The following IL20 variants were observed in gnomAD, a reference collection of about 807,000 sequenced individuals.
The protein encoded by IL20 is interleukin-20.
In IL20, 22 loss-of-function variants were observed where a neutral mutation model predicts 19.2. That is an observed-to-expected ratio of 1.15 (90% CI 0.82 to 1.64). The LOEUF is 1.64. Among genes scored for constraint, IL20 ranks in the 40% most tolerant of loss-of-function variants. The pLI is 0.00. For missense variants in IL20, 215 were observed against 212.8 expected, an observed-to-expected ratio of 1.01 and a Z score of -0.06; for synonymous variants, 70 against 76.2, an observed-to-expected ratio of 0.92 and a Z score of 0.43.
chr1:206,866,142 A>G, intron 2 of IL20, 131 bp downstream of exon 2: 1 of 1,145,264 alleles, frequency 8.7e-7, no homozygotes, highest in Non-Finnish European at 1.3e-6. Context: ...CGGGGGATGT[A>G]TTCCAAAGAA....
At chr1:206,864,908 T>C (rs960050778), upstream of IL20, among the ~76,000 whole-genome samples, 4 of 152,172 alleles carry the variant, frequency 2.6e-5, no homozygotes, top group African/African-American at 9.7e-5. Context: ...CCTCAGCCCA[T>C]TATTATTTTA....
intron 4 of IL20, among the ~76,000 whole-genome samples, chr1:206,867,077 G>C (rs1158610748): frequency 6.8e-6 from 1 of 146,680 alleles, no homozygotes; most frequent in African/African-American, 2.6e-5. Flanking sequence ...CTGGGATAGA[G>C]CTCCTAGACT....
At position 206,865,982 on chromosome 1, in the gene IL20, A is replaced by G. The variant is rs756400807; in HGVS notation, c.130A>G (p.Asn44Asp). 1 of 1,614,040 alleles carries G rather than the reference A, an allele frequency of 6.2e-7. No individual in the cohort carries two copies. Residue 44 changes from asparagine to aspartate, a missense_variant, in exon 2 of 6, where the codon AAT becomes GAT. Asn to Asp is a conservative substitution (Grantham distance 23). Transcript: ENST00000367098. This position sits in a 1 kb window ranked among gnomAD's most constrained non-coding sequence, Gnocchi z 4.1. ...VIATNLQEIRNGFSEIRGSVQ... is the reference protein window; with the variant it reads ...VIATNLQEIRDGFSEIRGSVQ... ...CGCCACAAACCTTCAGGAAATACGA[A>G]ATGGATTTTCTGAGATACGGGGCAG...
intron 4 of IL20, 33 bp from the exon 5 acceptor site, chr1:206,867,351 A>G (rs747795981): frequency 1.3e-6 from 2 of 1,589,916 alleles, no homozygotes; most frequent in African/African-American, 1.4e-5. Flanking sequence ...CAGAATCTGT[A>G]ATATAATCTA....
chr1:206,864,966 T>G (rs1677503621), upstream of IL20, among the ~76,000 whole-genome samples: 1 of 152,232 alleles, frequency 6.6e-6, no homozygotes, highest in African/African-American at 2.4e-5. Flanking sequence ...CTGAGGAGGC[T>G]CGCCCAAGAA....
Position 206,868,946 on chromosome 1 carries a change from A to C in IL20, c.*382A>C, listed in dbSNP as rs570835371. ...GTATTTTTATACAGTAAAAAAAAAA[A>C]ACCTTGTAAATTCTAGAAGAGTGGC... On this transcript the variant is annotated 3_prime_UTR_variant, in exon 6 of 6. Coordinates refer to ENST00000367098, the MANE Select transcript of IL20 (RefSeq NM_018724.4). 1 of 152,390 alleles carries C rather than the reference A, an allele frequency of 6.6e-6. No homozygotes were observed. Among genetic ancestry groups the C allele is most frequent in the African/African-American group, 2.4e-5 (1 of 41,376 alleles). The allele number at this position is 152,390 out of a possible 1,614,324, so 9.4% of individuals were successfully genotyped here.
Position 206,865,795 on chromosome 1 carries a change from A to G in IL20, c.-30-28A>G, listed in dbSNP as rs1261192493. The G allele has an allele frequency of 6.3e-7, 1 of 1,594,226 alleles. No homozygotes were observed. The highest frequency in any genetic ancestry group is 1.3e-5 in the African/African-American group (1 of 74,206). ...CACTTGGAGGAGGGGAAACTCAGTA[A>G]GTCATGCTCTCTTCTTTGAATTCCT... On this transcript the variant is annotated intron_variant, in intron 1 of 5. Coordinates refer to ENST00000367098, the MANE Select transcript of IL20 (RefSeq NM_018724.4). The surrounding 1 kb of genome is among the most constrained non-coding windows in gnomAD (Gnocchi z 4.1).
upstream of IL20, chr1:206,865,549 C>CT (rs1467139184): frequency 2.9e-5 from 34 of 1,163,406 alleles, no homozygotes; most frequent in East Asian, 1.4e-3. This position sits in a 1 kb window ranked among gnomAD's most constrained non-coding sequence, Gnocchi z 4.1. Context: ...TGTTCCAGGC[C>CT]TTACCTGCTG....
Position 206,866,491 on chromosome 1 carries a change from A to G in IL20, c.233A>G (p.Asn78Ser). The G allele has an allele frequency of 6.2e-7, 1 of 1,614,014 alleles. No homozygotes were observed. The highest frequency in any genetic ancestry group is 1.1e-5 in the South Asian group (1 of 91,054). Residue 78 changes from asparagine to serine, a missense_variant, in exon 4 of 6, where the codon AAT becomes AGT. Physicochemically the swap from Asn to Ser is conservative, Grantham distance 46. Transcript: ENST00000367098. Reference sequence around the variant, plus strand: ...ACCTGTGGTTTTTTGCAGCCTGCGAATCGATGCTGCCTCCTGCGCCATTTG... The same window carrying G: ...ACCTGTGGTTTTTTGCAGCCTGCGAGTCGATGCTGCCTCCTGCGCCATTTG... ...TESLQDTKPA[N>S]RCCLLRHLLR...
At chr1:206,868,408 C>T in intron 5 of IL20, 79 bp from the exon 6 acceptor site, 1 of 901,326 alleles carries the variant, frequency 1.1e-6, no homozygotes, top group South Asian at 2.1e-5. Context: ...TGTCAGCAGA[C>T]CTATCCATAA....
upstream of IL20, among the ~76,000 whole-genome samples, chr1:206,864,800 G>T (rs2981572): frequency 0.52 from 79,618 of 151,924 alleles, 21,927 homozygotes; most frequent in Non-Finnish European, 0.62. Context: ...AATTCATTTT[G>T]ATATTGCACT....
rs535688971 is a variant in IL20 at position 206,868,797 on chromosome 1, G to T, written c.*233G>T. On this transcript the variant is annotated 3_prime_UTR_variant, in exon 6 of 6. Coordinates refer to ENST00000367098, the MANE Select transcript of IL20 (RefSeq NM_018724.4). ...TTTTTGTAATATCTTTCTGCTATTG[G>T]ATATATTTATTAGTTAATATATTTA... 7 of 276,126 alleles carry T rather than the reference G, an allele frequency of 2.5e-5. 1 individual carries two copies. In the South Asian group the frequency reaches 1.2e-3, roughly 46 times the overall value. 17.1% of individuals were successfully genotyped at this position (276,126 alleles called of 1,614,324 possible).
At chr1:206,867,758 AC>A (rs1677600479) in intron 5 of IL20, among the ~76,000 whole-genome samples, 1 of 152,178 alleles carries the variant, frequency 6.6e-6, no homozygotes, top group Admixed American at 6.5e-5. Flanking sequence ...CAATGTTCAC[AC>A]ACTTCTATGT....
chr1:206,868,455 T>C, intron 5 of IL20, 32 bp from the exon 6 acceptor site: 1 of 1,540,726 alleles, frequency 6.5e-7, no homozygotes, highest in Non-Finnish European at 8.8e-7. Context: ...GTCTCATGAA[T>C]TGCTAACCAC....
intron 5 of IL20, 109 bp downstream of exon 5, chr1:206,867,567 A>C: frequency 1.1e-6 from 1 of 918,262 alleles, no homozygotes; most frequent in South Asian, 1.5e-5. Flanking sequence ...TCAGGTTCAT[A>C]GCCCTCTGAA....
At chr1:206,867,580 C>T (rs1379483456) in intron 5 of IL20, 122 bp downstream of exon 5, 2 of 805,972 alleles carry the variant, frequency 2.5e-6, no homozygotes, top group African/African-American at 3.4e-5. Context: ...CCTCTGAAAT[C>T]ATGAGGACCA....
chr1:206,868,648 C>A lies in IL20; in HGVS notation c.*84C>A. The A allele has an allele frequency of 2.2e-6, 2 of 919,522 alleles. No homozygotes were observed. Among genetic ancestry groups the A allele is most frequent in the South Asian group, 3.8e-5 (2 of 53,260 alleles). 57.0% of individuals were successfully genotyped at this position (919,522 alleles called of 1,614,324 possible). Reference sequence around the variant, plus strand: ...CTGCAGAGGAGGCATGACCCCAAACCACCATCTCTTTACTGTACTAGTCTT... The same window carrying A: ...CTGCAGAGGAGGCATGACCCCAAACAACCATCTCTTTACTGTACTAGTCTT... On this transcript the variant is annotated 3_prime_UTR_variant, in exon 6 of 6. Coordinates refer to ENST00000367098, the MANE Select transcript of IL20 (RefSeq NM_018724.4).
At position 206,865,765 on chromosome 1, in the gene IL20, G is replaced by T; in HGVS notation, c.-30-58G>T. The T allele has an allele frequency of 8.9e-7, 1 of 1,117,532 alleles. No individual in the cohort carries two copies. The highest frequency in any genetic ancestry group is 1.2e-6 in the Non-Finnish European group (1 of 804,212). The allele number at this position is 1,117,532 out of a possible 1,614,324, so 69.2% of individuals were successfully genotyped here. On this transcript the variant is annotated intron_variant, in intron 1 of 5. Coordinates refer to ENST00000367098, the MANE Select transcript of IL20 (RefSeq NM_018724.4). This position sits in a 1 kb window ranked among gnomAD's most constrained non-coding sequence, Gnocchi z 4.1. ...CCCCTGACCCCCCACCCCTCACCCC[G>T]TGGACACTTGGAGGAGGGGAAACTC...
At position 206,868,215 on chromosome 1, in the gene IL20, A is replaced by G. The variant is rs937435628; in HGVS notation, c.454-272A>G. On this transcript the variant is annotated intron_variant, in intron 5 of 5. Transcript: ENST00000367098. ...GTTTCTTAAAGAAAATAGCTTGATT[A>G]TTTTGATCTCTGTGATTCAAGAGTC... Among the ~76,000 whole-genome samples the G allele has an allele frequency of 2.6e-5, 4 of 151,972 alleles. No individual in the cohort carries two copies. The South Asian group carries it at 8.3e-4, about 32-fold the overall frequency.
Sources: allele counts gnomAD v4.1 joint callset (sites outside exome capture counted in the v4.1 genomes callset), GRCh38; gene constraint gnomAD v4.1.1; non-coding constraint Gnocchi (gnomAD v3.1); transcripts MANE v1.5; gene names NCBI Gene and HGNC (gene_info 2026-07-23, HGNC 2026-07-21).